Variants in BPIFB2 observed in about 807,000 individuals in gnomAD.
BPIFB2 encodes BPI fold containing family B member 2, also known as BPI fold-containing family B member 2.
A neutral mutation model predicts 50.1 loss-of-function variants in BPIFB2; 39 were observed. The ratio of observed to expected loss-of-function variants is 0.78; its 90% CI spans 0.60 to 1.02. The LOEUF is 1.02. Ranked by LOEUF, BPIFB2 falls within the 50% of genes least tolerant of loss-of-function variation. BPIFB2 has a pLI of 0.00. For synonymous variants in BPIFB2, 280 were observed against 256.3 expected, an observed-to-expected ratio of 1.09 and a Z score of -0.88; for missense variants, 574 against 585.8, an observed-to-expected ratio of 0.98 and a Z score of 0.21.
At chr20:33,010,938 G>A (rs1266394701) in intron 2 of BPIFB2, 86 bp from the exon 3 acceptor site, 12 of 1,164,826 alleles carry the variant, frequency 1.0e-5, no homozygotes, top group Non-Finnish European at 1.5e-5. Context: ...CTCTGCCCAA[G>A]GTGCAGGGTA....
intron 5 of BPIFB2, among the ~76,000 whole-genome samples, chr20:33,014,390 G>A (rs189688116): frequency 1.2e-4 from 19 of 152,318 alleles, no homozygotes; most frequent in African/African-American, 4.6e-4. Flanking sequence ...GGCAGCTCCC[G>A]CCTCCAGAGC....
intron 6 of BPIFB2, 144 bp downstream of exon 6, chr20:33,015,640 G>T: frequency 2.6e-6 from 2 of 760,354 alleles, no homozygotes; most frequent in Non-Finnish European, 2.0e-6. Context: ...CCCCATGAAG[G>T]CAGGGAAAAG....
Position 33,018,301 on chromosome 20 carries a change from T to C in BPIFB2, c.620T>C (p.Met207Thr), listed in dbSNP as rs1265602741. The part of the protein sequence containing the change: ...VGPESQIRYS[M>T]VSVPTVTSDY... Reference sequence around the variant, plus strand: ...CCTGAGTCCCAGATCCGCTATTCCATGGTCAGTGTGCCCACTGTCACCAGT... The same window carrying C: ...CCTGAGTCCCAGATCCGCTATTCCACGGTCAGTGTGCCCACTGTCACCAGT... The change falls in exon 8 of 16, where the codon ATG becomes ACG. Residue 207 changes from methionine to threonine, a missense_variant. Transcript: ENST00000170150. The C allele has an allele frequency of 3.7e-6, 6 of 1,614,010 alleles. No individual in the cohort carries two copies. The highest frequency in any genetic ancestry group is 1.3e-5 in the African/African-American group (1 of 74,938).
Position 33,018,630 on chromosome 20 carries a change from C to T in BPIFB2, c.670-7C>T, listed in dbSNP as rs913653109. 1 of 1,606,466 alleles carries T rather than the reference C, an allele frequency of 6.2e-7. No individual in the cohort carries two copies. The highest frequency in any genetic ancestry group is 1.1e-5 in the South Asian group (1 of 89,162). Reference sequence around the variant, plus strand: ...TTTTCTCCCACTTCCCCCTCCCACCCCTACAGGCTGTTCTCTTCCTGCTGG... The same window carrying T: ...TTTTCTCCCACTTCCCCCTCCCACCTCTACAGGCTGTTCTCTTCCTGCTGG... On this transcript the variant is annotated splice_region_variant and splice_polypyrimidine_tract_variant and intron_variant, in intron 8 of 15. Transcript: ENST00000170150.
At chr20:33,018,934 C>T (rs1017076219) in intron 9 of BPIFB2, 112 bp downstream of exon 9, 17 of 1,565,772 alleles carry the variant, frequency 1.1e-5, no homozygotes, top group Middle Eastern at 2.0e-4. Context: ...CTGAAGCTGG[C>T]GCCACAGGGT....
At chr20:33,018,388 C>A in intron 8 of BPIFB2, 38 bp downstream of exon 8, 1 of 1,547,298 alleles carries the variant, frequency 6.5e-7, no homozygotes, top group African/African-American at 1.4e-5. Flanking sequence ...TGGGGGCTTG[C>A]TGCCTCTGGA....
In BPIFB2 at chr20:33,008,569, G is replaced by T; in HGVS notation, c.-6G>T. ...ACAGATCCTGTGGGCAGCGGCCAGG[G>T]CAGCCATGGCTTGGGCAAGTAGGCT... On this transcript the variant is annotated 5_prime_UTR_variant, in exon 2 of 16. Coordinates refer to ENST00000170150, the MANE Select transcript of BPIFB2 (RefSeq NM_025227.3). The T allele has an allele frequency of 6.3e-7, 1 of 1,584,126 alleles. No individual in the cohort carries two copies. Among genetic ancestry groups the T allele is most frequent in the Non-Finnish European group, 8.6e-7 (1 of 1,164,930 alleles).
Position 33,023,505 on chromosome 20 carries a change from T to C in BPIFB2, c.*122T>C. 2 of 1,190,810 alleles carry C rather than the reference T, an allele frequency of 1.7e-6. No individual in the cohort carries two copies. Among genetic ancestry groups the C allele is most frequent in the Non-Finnish European group, 2.4e-6 (2 of 816,730 alleles). 73.8% of individuals were successfully genotyped at this position (1,190,810 alleles called of 1,614,324 possible). On this transcript the variant is annotated 3_prime_UTR_variant, in exon 16 of 16. Coordinates refer to ENST00000170150, the MANE Select transcript of BPIFB2 (RefSeq NM_025227.3). ...AGTCATCACCAACAAGCTGGACTGC[T>C]TAGCTGGGCTGTTTTATCTTCCCTG...
intron 5 of BPIFB2, among the ~76,000 whole-genome samples, chr20:33,014,930 GGCTTGGATCGACATTTTTGCA>G (rs1568977413): frequency 1.3e-5 from 2 of 152,158 alleles, no homozygotes; most frequent in African/African-American, 4.8e-5. Context: ...GTTGGGCTGT[GGCTTGGATCGACATTTTTGCA>G]AATCAAGGAA....
At chr20:33,015,363 C>A in intron 5 of BPIFB2, 73 bp from the exon 6 acceptor site, 1 of 1,380,046 alleles carries the variant, frequency 7.2e-7, no homozygotes, top group South Asian at 1.3e-5. Context: ...TCTTCCCAGA[C>A]GTGCGACTGT....
chr20:33,020,494 G>T (rs73254524), intron 12 of BPIFB2, 48 bp from the exon 13 acceptor site: 7 of 1,596,178 alleles, frequency 4.4e-6, no homozygotes, highest in African/African-American at 4.0e-5. Context: ...GAGCCTGGGC[G>T]TAGGGAGGTG....
Position 33,018,736 on chromosome 20 carries a change from G to T in BPIFB2, c.769G>T (p.Val257Leu). The T allele has an allele frequency of 1.2e-6, 2 of 1,614,250 alleles. No homozygotes were observed. The highest frequency in any genetic ancestry group is 1.7e-6 in the Non-Finnish European group (2 of 1,180,052). Residue 257 changes from valine (V) to leucine (L), a missense_variant, in exon 9 of 16, where the codon GTG (valine) becomes TTG (leucine). Physicochemically the swap from Val to Leu is conservative, Grantham distance 32. Transcript: ENST00000170150. ...HVGTEGSMAT[V>L]GLSQQLFDSA... ...GGGTACCGAGGGCTCCATGGCCACC[G>T]TGGGCCTCTCCCAGCAGCTGTTTGA... is the stretch of plus-strand genomic sequence containing the variant.
At chr20:33,013,237 C>T (rs151251525) in intron 4 of BPIFB2, among the ~76,000 whole-genome samples, 192 of 152,276 alleles carry the variant, frequency 1.3e-3, no homozygotes, top group African/African-American at 4.2e-3. Flanking sequence ...TGACTGTCCT[C>T]TCTTTCCCAG....
chr20:33,020,445 A>G, intron 12 of BPIFB2, 50 bp downstream of exon 12: 1 of 1,605,758 alleles, frequency 6.2e-7, no homozygotes, highest in South Asian at 1.1e-5. Context: ...CTTCTGTGCC[A>G]TGGGTCCATC....
chr20:33,018,716 C>G lies in BPIFB2; in HGVS notation c.749C>G (p.Thr250Ser). ...TTTGTGTTGCCAAGGCATGTGGGTA[C>G]CGAGGGCTCCATGGCCACCGTGGGC... Reference protein sequence around the residue: ...TPFVLPRHVGTEGSMATVGLS... With the variant: ...TPFVLPRHVGSEGSMATVGLS... The change falls in exon 9 of 16, where the codon ACC becomes AGC. Residue 250 changes from threonine (T) to serine (S), a missense_variant. Transcript: ENST00000170150. The G allele has an allele frequency of 6.2e-7, 1 of 1,614,200 alleles. No homozygotes were observed. Among genetic ancestry groups the G allele is most frequent in the South Asian group, 1.1e-5 (1 of 91,082 alleles).
intron 15 of BPIFB2, 78 bp downstream of exon 15, chr20:33,021,877 T>C: frequency 9.3e-6 from 13 of 1,394,548 alleles, no homozygotes; most frequent in Admixed American, 1.7e-5. Context: ...CCTCTCTCCC[T>C]CCCCCTCTGT....
At chr20:33,018,966 G>T in intron 9 of BPIFB2, 96 bp from the exon 10 acceptor site, 1 of 1,586,638 alleles carries the variant, frequency 6.3e-7, no homozygotes, top group African/African-American at 1.3e-5. Flanking sequence ...GGGTTAAACG[G>T]GGGCTATGGG....
At chr20:33,015,006 C>T (rs1170299791) in intron 5 of BPIFB2, among the ~76,000 whole-genome samples, 1 of 151,748 alleles carries the variant, frequency 6.6e-6, no homozygotes, top group Non-Finnish European at 1.5e-5. Context: ...AGAGGGGAAA[C>T]GGAGGCCCAG....
chr20:33,013,307 G>T (rs1417058337), intron 4 of BPIFB2, among the ~76,000 whole-genome samples: 1 of 152,132 alleles, frequency 6.6e-6, no homozygotes, highest in Admixed American at 6.5e-5. Context: ...TTGTGTGCCT[G>T]GCATCTTGTA....
Sources: gnomAD v4.1 joint callset for allele counts (sites outside exome capture counted in the v4.1 genomes callset) on GRCh38, gnomAD v4.1.1 for gene constraint, MANE v1.5 for transcripts, NCBI Gene and HGNC (gene_info 2026-07-23, HGNC 2026-07-21) for gene names.